TXNRD1: variants seen among roughly 807,000 people sequenced by gnomAD.
TXNRD1 encodes the protein thioredoxin reductase 1, also known as thioredoxin reductase 1, cytoplasmic.
In TXNRD1, 57 loss-of-function variants were observed where a neutral mutation model predicts 80.3. The ratio of observed to expected loss-of-function variants is 0.71; its 90% confidence interval spans 0.57 to 0.89. The LOEUF is 0.89. Among genes scored for constraint, TXNRD1 ranks in the 40% least tolerant of loss-of-function variants. TXNRD1 has a pLI of 0.00. For missense variants in TXNRD1, 730 were observed against 803.0 expected (o/e 0.91, Z 1.10); for synonymous variants, 291 against 285.2 (o/e 1.02, Z -0.20).
At chr12:104,249,650 AG>A (rs2033069290) in intron 1 of TXNRD1, among the ~76,000 whole-genome samples, 1 of 152,160 alleles carries the variant, frequency 6.6e-6, no homozygotes, top group African/African-American at 2.4e-5. Flanking sequence ...TGAAAGTGAA[AG>A]CTTGCCAGGC....
chr12:104,292,108 C>T (rs1593765350), intron 4 of TXNRD1, among the ~76,000 whole-genome samples: 2 of 152,322 alleles, frequency 1.3e-5, no homozygotes, highest in South Asian at 2.1e-4. Context: ...TTCCTCATCC[C>T]CTTTTCCCTG....
intron 1 of TXNRD1, among the ~76,000 whole-genome samples, chr12:104,241,693 T>TTTTA (rs112014885): frequency 0.043 from 6,499 of 151,366 alleles, 192 homozygotes; most frequent in East Asian, 0.17. Flanking sequence ...TAAATTTTAC[T>TTTTA]TTTATTTATT....
At chr12:104,324,889 T>C (rs1354543394) in intron 10 of TXNRD1, among the ~76,000 whole-genome samples, 5 of 152,222 alleles carry the variant, frequency 3.3e-5, no homozygotes, top group Admixed American at 1.3e-4. Flanking sequence ...CCTGCTGTAA[T>C]GTAATCTATC....
chr12:104,310,140 TTTTG>T (rs773475435), intron 4 of TXNRD1: 56 of 1,448,384 alleles, frequency 3.9e-5, no homozygotes, highest in South Asian at 1.0e-4. Flanking sequence ...AGTTAAGGCT[TTTTG>T]TTTGTTTGTT....
At chr12:104,263,426 T>C (rs1221559955) in intron 3 of TXNRD1, among the ~76,000 whole-genome samples, 1 of 152,164 alleles carries the variant, frequency 6.6e-6, no homozygotes, top group East Asian at 1.9e-4. Flanking sequence ...TGTTCCTAGA[T>C]GTGATGGTGT....
At chr12:104,225,379 C>T (rs1422563000) in intron 1 of TXNRD1, among the ~76,000 whole-genome samples, 1 of 152,284 alleles carries the variant, frequency 6.6e-6, no homozygotes, top group East Asian at 1.9e-4. Flanking sequence ...TGCTCTACTG[C>T]CTTGCTTAAT....
intron 13 of TXNRD1, among the ~76,000 whole-genome samples, chr12:104,328,707 C>T (rs1228813846): frequency 2.7e-5 from 4 of 146,252 alleles, no homozygotes; most frequent in South Asian, 4.2e-4. Context: ...TGCCGTGAGC[C>T]GAGATTGCAC....
At chr12:104,317,947 C>T (rs1439119824) in intron 7 of TXNRD1, among the ~76,000 whole-genome samples, 6 of 152,214 alleles carry the variant, frequency 3.9e-5, no homozygotes, top group Non-Finnish European at 8.8e-5. Flanking sequence ...TGAGACCAGC[C>T]TGGCCAACAT....
At chr12:104,271,335 G>A (rs1033952786) in intron 3 of TXNRD1, among the ~76,000 whole-genome samples, 10 of 151,728 alleles carry the variant, frequency 6.6e-5, no homozygotes, top group Admixed American at 2.6e-4. Flanking sequence ...ACAGGTGCCC[G>A]CCACTAATTT....
intron 14 of TXNRD1, 115 bp downstream of exon 14, chr12:104,331,756 C>A: frequency 1.5e-6 from 1 of 653,554 alleles, no homozygotes; most frequent in South Asian, 2.1e-5. Flanking sequence ...ACCCGTTATC[C>A]AGATTCATAT....
At chr12:104,219,842 G>A in intron 1 of TXNRD1, among the ~76,000 whole-genome samples, 1 of 151,914 alleles carries the variant, frequency 6.6e-6, no homozygotes, top group Non-Finnish European at 1.5e-5. Context: ...ACATTGACCA[G>A]CTTCTTCTAG....
chr12:104,254,646 T>A (rs12831285), intron 2 of TXNRD1, among the ~76,000 whole-genome samples: 45,757 of 68,784 alleles, frequency 0.67, 14,098 homozygotes, highest in East Asian at 0.8. Context: ...AAAAAAAAAA[T>A]ATATATATAT....
chr12:104,282,068 A>G (rs1392397923), intron 3 of TXNRD1, among the ~76,000 whole-genome samples: 1 of 152,244 alleles, frequency 6.6e-6, no homozygotes, highest in East Asian at 1.9e-4. Context: ...AAAGAATAGC[A>G]ATTTGGGGCA....
At position 104,227,335 on chromosome 12, in the gene TXNRD1, C is replaced by A. The variant is rs548063841; in HGVS notation, c.91+11442C>A. Among the ~76,000 whole-genome samples, 3 of 152,216 alleles carry A rather than the reference C, an allele frequency of 2.0e-5. No homozygotes were observed. The South Asian group carries it at 6.2e-4, about 32-fold the overall frequency. ...CAAGTGCAATGGTGTAATTATAGCT[C>A]ACAGCAGCTTCAAACTCCTGGGCTC... On this transcript the variant is annotated intron_variant, in intron 1 of 16. Transcript: ENST00000525566.
intron 1 of TXNRD1, among the ~76,000 whole-genome samples, chr12:104,247,102 C>T (rs1307812128): frequency 2.0e-5 from 3 of 152,118 alleles, no homozygotes; most frequent in Non-Finnish European, 2.9e-5. Flanking sequence ...CAGAGTCTCA[C>T]GGTCGCCCAG....
intron 4 of TXNRD1, chr12:104,304,322 A>C: frequency 6.2e-7 from 1 of 1,614,056 alleles, no homozygotes; most frequent in Admixed American, 1.7e-5. Context: ...CGTGGGTCTG[A>C]ATTGGATGGA....
At chr12:104,310,085 G>A (rs1330906187) in intron 4 of TXNRD1, 2 of 1,528,624 alleles carry the variant, frequency 1.3e-6, no homozygotes, top group African/African-American at 1.4e-5. Flanking sequence ...AGAGAGAAAT[G>A]TGCAGTTTGG....
In TXNRD1 at chr12:104,339,201, A is replaced by G; in HGVS notation, c.1809A>G (p.Ala603=). 6.2e-7 allele frequency: 1 copy of G among 1,613,990 alleles called. No individual in the cohort carries two copies. Among genetic ancestry groups the G allele is most frequent in the Non-Finnish European group, 8.5e-7 (1 of 1,179,890 alleles). ...CTGGAGAAGTTACACAAGGCTTTGC[A>G]GCTGCGCTCAAATGTGGACTGACCA... The part of the protein sequence containing the change: ...PNAGEVTQGF[A]AALKCGLTKK... Residue 603 remains alanine, a synonymous_variant, in exon 16 of 17, where the codon GCA becomes GCG. Transcript: ENST00000525566.
At chr12:104,278,611 C>T (rs1160203098) in intron 3 of TXNRD1, among the ~76,000 whole-genome samples, 1 of 151,312 alleles carries the variant, frequency 6.6e-6, no homozygotes, top group East Asian at 1.9e-4. Context: ...AAGCAGTTCT[C>T]CTGCCTCAGC....
Sources: gnomAD v4.1 joint callset for allele counts (sites outside exome capture counted in the v4.1 genomes callset) on GRCh38, gnomAD v4.1.1 for gene constraint, MANE v1.5 for transcripts, NCBI Gene and HGNC (gene_info 2026-07-23, HGNC 2026-07-21) for gene names.